SCAPER: variants seen among roughly 807,000 people sequenced by gnomAD.
SCAPER encodes S phase cyclin A-associated protein in the endoplasmic reticulum.
In SCAPER, 98 loss-of-function variants were observed where a neutral mutation model predicts 182.2. The observed-to-expected ratio is 0.54, with a 90% CI of 0.46 to 0.64. The LOEUF is 0.64. Ranked by LOEUF, SCAPER falls within the 30% of genes least tolerant of loss-of-function variation. SCAPER has a pLI of 0.00. For missense variants in SCAPER, 1,432 were observed against 1,690.0 expected, an observed-to-expected ratio of 0.85 and a Z score of 2.68; for synonymous variants, 605 against 564.6, an observed-to-expected ratio of 1.07 and a Z score of -1.01.
intron 15 of SCAPER, among the ~76,000 whole-genome samples, chr15:76,751,139 C>T (rs2062062904): frequency 6.6e-6 from 1 of 151,658 alleles, no homozygotes; most frequent in Non-Finnish European, 1.5e-5. Context: ...TTAACAATAG[C>T]ACCAAAAATA....
intron 25 of SCAPER, among the ~76,000 whole-genome samples, chr15:76,442,432 C>G (rs139768958): frequency 3.3e-4 from 51 of 152,308 alleles, no homozygotes; most frequent in African/African-American, 1.2e-3. Flanking sequence ...GTTTTAGAGG[C>G]ATTTACATAG....
chr15:76,781,828 A>G (rs2064164887), intron 8 of SCAPER, among the ~76,000 whole-genome samples: 1 of 152,204 alleles, frequency 6.6e-6, no homozygotes, highest in African/African-American at 2.4e-5. Flanking sequence ...CTTCACAGAC[A>G]AGCAAATGCT....
chr15:76,512,472 T>C (rs1270309651), intron 23 of SCAPER, among the ~76,000 whole-genome samples: 2 of 151,478 alleles, frequency 1.3e-5, no homozygotes, highest in African/African-American at 4.9e-5. Context: ...AAACAGGGCA[T>C]AGAGTACTTT....
chr15:76,815,629 G>C (rs1024151500), intron 5 of SCAPER, among the ~76,000 whole-genome samples: 1 of 152,170 alleles, frequency 6.6e-6, no homozygotes, highest in Non-Finnish European at 1.5e-5. Flanking sequence ...TGAGCAGTGG[G>C]CCAGTAAACA....
chr15:76,408,131 T>C (rs539192308), intron 26 of SCAPER, among the ~76,000 whole-genome samples: 10 of 152,282 alleles, frequency 6.6e-5, no homozygotes, highest in African/African-American at 2.4e-4. Flanking sequence ...GAACCACACA[T>C]TGTGACTGGT....
At chr15:76,430,920 G>C (rs1210807293) in intron 26 of SCAPER, among the ~76,000 whole-genome samples, 2 of 152,126 alleles carry the variant, frequency 1.3e-5, no homozygotes, top group African/African-American at 4.8e-5. Context: ...CTTTGGGAGG[G>C]ACCCGGTGGG....
chr15:76,462,885 T>C (rs773581992), intron 25 of SCAPER, among the ~76,000 whole-genome samples: 1 of 152,136 alleles, frequency 6.6e-6, no homozygotes, highest in Non-Finnish European at 1.5e-5. Context: ...AAAGTTAACT[T>C]AGGATTTAGG....
At position 76,841,826 on chromosome 15, in the gene SCAPER, G is replaced by T. The variant is rs2069512508; in HGVS notation, c.301C>A (p.Arg101=). The change falls in exon 5 of 32, where the codon CGA becomes AGA. Residue 101 remains arginine, a synonymous_variant. Coordinates refer to ENST00000563290, the MANE Select transcript of SCAPER (RefSeq NM_020843.4). ...TTATCAAAAAGAAATGCCCAGTATCGAGCTCTTAGATCAATTTTCCGAGGG... is the reference window on the plus strand; with the variant it reads ...TTATCAAAAAGAAATGCCCAGTATCTAGCTCTTAGATCAATTTTCCGAGGG... ...RHPRKIDLRA[R]YWAFLFDNLR... is the part of the protein sequence containing the mutation. 1 of 1,613,816 alleles carries T rather than the reference G, an allele frequency of 6.2e-7. No homozygotes were observed. Among genetic ancestry groups the T allele is most frequent in the Middle Eastern group, 1.7e-4 (1 of 6,060 alleles).
At chr15:76,821,020 G>A (rs1277200479) in intron 5 of SCAPER, among the ~76,000 whole-genome samples, 5 of 152,174 alleles carry the variant, frequency 3.3e-5, no homozygotes, top group Non-Finnish European at 7.3e-5. Context: ...CTCATTTATT[G>A]CTAGTGGGAA....
chr15:76,643,635 C>T (rs1567682482), intron 21 of SCAPER, among the ~76,000 whole-genome samples: 4 of 152,168 alleles, frequency 2.6e-5, no homozygotes. Flanking sequence ...TGAGCTGAGA[C>T]TGTGCCACTG....
chr15:76,675,389 G>A (rs930708319), intron 20 of SCAPER, among the ~76,000 whole-genome samples: 1 of 152,286 alleles, frequency 6.6e-6, no homozygotes, highest in African/African-American at 2.4e-5. Context: ...AAGGATAGGA[G>A]AAAACAATCT....
intron 21 of SCAPER, among the ~76,000 whole-genome samples, chr15:76,656,241 G>C (rs1475553865): frequency 6.6e-6 from 1 of 152,016 alleles, no homozygotes; most frequent in Non-Finnish European, 1.5e-5. Flanking sequence ...GAAAAAAGCA[G>C]GGGTTGCTAC....
intron 29 of SCAPER, among the ~76,000 whole-genome samples, chr15:76,357,562 C>T (rs191114516): frequency 9.9e-5 from 15 of 152,104 alleles, no homozygotes; most frequent in East Asian, 3.9e-4. Flanking sequence ...GTTTCTCAAC[C>T]GAAAATAGAA....
chr15:76,472,471 T>C, intron 24 of SCAPER: 1 of 440,060 alleles, frequency 2.3e-6, no homozygotes, highest in Non-Finnish European at 4.3e-6. Context: ...TACTTTTTTT[T>C]ACTCCTGCCT....
At chr15:76,634,643 A>C (rs1372221609) in intron 21 of SCAPER, among the ~76,000 whole-genome samples, 2 of 152,322 alleles carry the variant, frequency 1.3e-5, no homozygotes, top group East Asian at 3.9e-4. Flanking sequence ...AGTTTCCAAC[A>C]TACAAGTCTT....
intron 22 of SCAPER, among the ~76,000 whole-genome samples, chr15:76,582,095 A>G (rs1379835705): frequency 1.3e-5 from 2 of 152,206 alleles, no homozygotes; most frequent in Non-Finnish European, 2.9e-5. Context: ...ATAGTACTGG[A>G]AGTCCTACCT....
intron 23 of SCAPER, among the ~76,000 whole-genome samples, chr15:76,524,524 T>C (rs1162945976): frequency 6.6e-6 from 1 of 152,006 alleles, no homozygotes; most frequent in Non-Finnish European, 1.5e-5. Context: ...TTTTAAAATA[T>C]ATTCACTTAA....
chr15:76,709,658 T>C (rs1007279383), intron 17 of SCAPER, among the ~76,000 whole-genome samples: 8 of 152,214 alleles, frequency 5.3e-5, no homozygotes, highest in Admixed American at 3.9e-4. Context: ...AATACCTATC[T>C]TATGCAAATG....
chr15:76,400,961 T>C lies in SCAPER; in HGVS notation c.3467+3563A>G, dbSNP rs563226703. On this transcript the variant is annotated intron_variant, in intron 27 of 31. Transcript: ENST00000563290. ...ATGTATCAGATGTGTAAACATGTAA[T>C]TTATCAGATGTATAAATATATAATA... is the stretch of plus-strand genomic sequence containing the variant. 2.3e-4 allele frequency among the ~76,000 whole-genome samples: 35 copies of C among 151,590 alleles called. 1 individual carries two copies. The South Asian group carries it at 3.9e-3, about 17-fold the overall frequency.
Sources: gnomAD v4.1 joint callset for allele counts (sites outside exome capture counted in the v4.1 genomes callset) on GRCh38, gnomAD v4.1.1 for gene constraint, MANE v1.5 for transcripts, NCBI Gene and HGNC (gene_info 2026-07-23, HGNC 2026-07-21) for gene names.